Variants in RPS4Y1 observed in about 807,000 individuals in gnomAD.
RPS4Y1 encodes ribosomal protein S4 Y-linked 1.
For missense variants in RPS4Y1, 30 were observed against 60.9 expected (o/e 0.49, Z 1.69); for synonymous variants, 23 against 20.8 (o/e 1.10, Z -0.28).
At chrY:2,842,454 G>C in intron 2 of RPS4Y1, among the ~76,000 whole-genome samples, 1 of 31,563 alleles carries the variant, frequency 3.2e-5, no homozygotes, top group Non-Finnish European at 7.7e-5. Context: ...GGTTTCCTTT[G>C]CTCTTTTAGC....
In RPS4Y1 at chrY:2,847,489, G is replaced by A. The variant is rs764872062; in HGVS notation, c.360+1746G>A. Among the ~76,000 whole-genome samples, 16 of 33,826 alleles carry A rather than the reference G, an allele frequency of 4.7e-4. No homozygotes were observed. In the South Asian group the frequency reaches 9.8e-3, roughly 21 times the overall value. 90.8% of individuals were successfully genotyped at this position (33,826 alleles called of 37,273 possible). ...TGGGTGATTGCCATTACAGTGGATGGGAGAAAAAGAAAGAGTTTGGGTGAG... is the reference window on the plus strand; with the variant it reads ...TGGGTGATTGCCATTACAGTGGATGAGAGAAAAAGAAAGAGTTTGGGTGAG... On this transcript the variant is annotated intron_variant, in intron 4 of 6. Transcript: ENST00000250784.
At chrY:2,845,888 G>T in intron 4 of RPS4Y1, 145 bp downstream of exon 4, 1 of 135,587 alleles carries the variant, frequency 7.4e-6, no homozygotes, top group Admixed American at 1.2e-4. Flanking sequence ...GCATGTAGGT[G>T]CACACTGATA....
Position 2,845,721 on chromosome Y carries a change from G to A in RPS4Y1, c.338G>A (p.Arg113His), listed in dbSNP as rs749000846. ...ACCAAGGGCCGTTTTGCTGTTCACC[G>A]CATCACAGTGGAAGAGGCAAAGGTA... The part of the protein sequence containing the change: ...YDTKGRFAVH[R>H]ITVEEAKYKL... Residue 113 changes from arginine to histidine, a missense_variant, in exon 4 of 7, where the codon CGC (arginine) becomes CAC (histidine). Transcript: ENST00000250784. The A allele has an allele frequency of 5.1e-6, 2 of 393,603 alleles. No homozygotes were observed. The highest frequency in any genetic ancestry group is 3.6e-6 in the Non-Finnish European group (1 of 278,851).
chrY:2,860,713 T>C (rs972223035), intron 5 of RPS4Y1, among the ~76,000 whole-genome samples: 2 of 34,118 alleles, frequency 5.9e-5, no homozygotes, highest in East Asian at 1.5e-3. Context: ...TGCAGAGTTA[T>C]AGCTTATCTA....
chrY:2,856,717 C>T, intron 5 of RPS4Y1, among the ~76,000 whole-genome samples: 1 of 31,987 alleles, frequency 3.1e-5, no homozygotes, highest in Non-Finnish European at 7.6e-5. Flanking sequence ...CTGCCTCAGC[C>T]TCCCAAGTAG....
intron 3 of RPS4Y1, among the ~76,000 whole-genome samples, chrY:2,844,915 A>G (rs559635955): frequency 2.4e-3 from 78 of 32,080 alleles, no homozygotes; most frequent in African/African-American, 8.6e-3. Flanking sequence ...ACCAAGAGGG[A>G]AGGTAGGGAA....
Position 2,845,755 on chromosome Y carries a change from A to G in RPS4Y1, c.360+12A>G. On this transcript the variant is annotated intron_variant, in intron 4 of 6. Coordinates refer to ENST00000250784, the MANE Select transcript of RPS4Y1 (RefSeq NM_001008.4). ...TGGAAGAGGCAAAGGTATGTTGCACAAGTCAAGTGAGCTTTGTAATTTCCA... is the reference window on the plus strand; with the variant it reads ...TGGAAGAGGCAAAGGTATGTTGCACGAGTCAAGTGAGCTTTGTAATTTCCA... 1 of 362,578 alleles carries G rather than the reference A, an allele frequency of 2.8e-6. No homozygotes were observed. Among genetic ancestry groups the G allele is most frequent in the South Asian group, 3.0e-5 (1 of 32,904 alleles). The allele number at this position is 362,578 out of a possible 400,897, so 90.4% of individuals were successfully genotyped here.
At chrY:2,862,525 C>T in intron 5 of RPS4Y1, among the ~76,000 whole-genome samples, 1 of 33,649 alleles carries the variant, frequency 3.0e-5, no homozygotes, top group African/African-American at 1.2e-4. Flanking sequence ...TTCAAATCCG[C>T]TAGGTTACTC....
intron 4 of RPS4Y1, among the ~76,000 whole-genome samples, chrY:2,852,467 T>C (rs751254332): frequency 5.8e-5 from 2 of 34,401 alleles, no homozygotes; most frequent in Non-Finnish European, 1.5e-4. Context: ...TTCTGAATTA[T>C]AGTCTCTGAA....
chrY:2,846,574 A>G (rs2051152839), intron 4 of RPS4Y1, among the ~76,000 whole-genome samples: 2 of 33,773 alleles, frequency 5.9e-5, no homozygotes, highest in African/African-American at 1.2e-4. Context: ...CCCTAAAGGA[A>G]TTGACAAATA....
Position 2,854,825 on chromosome Y carries a change from TTTTC to T in RPS4Y1, c.532+60_532+63del. 4.3e-5 allele frequency: 11 copies of T among 258,241 alleles called. No homozygotes were observed. In the East Asian group the frequency reaches 1.1e-3, roughly 25 times the overall value. The allele number at this position is 258,241 out of a possible 400,897, so 64.4% of individuals were successfully genotyped here. A position where few individuals can be genotyped will look rare whatever the true frequency, so the allele number is the denominator to read the frequency against. On this transcript the variant is annotated intron_variant, in intron 5 of 6. Transcript: ENST00000250784. ...TGCCACCTCCCTCTTTGTCTTTTCT[TTTTC>T]TTTCTATTTTATTCTTCTGTTTTGT... is the stretch of plus-strand genomic sequence containing the variant.
chrY:2,867,143 G>A lies in RPS4Y1; in HGVS notation c.*249G>A. The A allele has an allele frequency of 1.0e-5, 1 of 95,384 alleles. No homozygotes were observed. Among genetic ancestry groups the A allele is most frequent in the Non-Finnish European group, 2.1e-5 (1 of 47,758 alleles). The allele number at this position is 95,384 out of a possible 400,897, so 23.8% of individuals were successfully genotyped here. Reference sequence around the variant, plus strand: ...GAGTGATGGAGTAGCATTCCAAAACGAAGTACAAAAAACGTATGACATTTC... The same window carrying A: ...GAGTGATGGAGTAGCATTCCAAAACAAAGTACAAAAAACGTATGACATTTC... On this transcript the variant is annotated 3_prime_UTR_variant, in exon 7 of 7. Transcript: ENST00000250784.
chrY:2,862,682 G>C, intron 5 of RPS4Y1, among the ~76,000 whole-genome samples: 1 of 33,426 alleles, frequency 3.0e-5, no homozygotes, highest in Non-Finnish European at 7.4e-5. Flanking sequence ...TGGTGTCTTA[G>C]TTCCTTCCAT....
intron 5 of RPS4Y1, among the ~76,000 whole-genome samples, chrY:2,863,658 A>G (rs2051165175): frequency 3.0e-5 from 1 of 33,566 alleles, no homozygotes; most frequent in African/African-American, 1.2e-4. Context: ...TCCAAACCTA[A>G]CTTAACTTTA....
chrY:2,860,479 C>T, intron 5 of RPS4Y1, among the ~76,000 whole-genome samples: 3 of 33,150 alleles, frequency 9.0e-5, no homozygotes, highest in Non-Finnish European at 2.2e-4. Flanking sequence ...CTTTCTTGAC[C>T]AAACCAGTGT....
chrY:2,846,591 G>A, intron 4 of RPS4Y1, among the ~76,000 whole-genome samples: 1 of 33,812 alleles, frequency 3.0e-5, no homozygotes, highest in Non-Finnish European at 7.3e-5. Context: ...AATATCGGTT[G>A]TTTGGTTGTT....
intron 5 of RPS4Y1, among the ~76,000 whole-genome samples, chrY:2,862,122 C>T: frequency 4.2e-4 from 12 of 28,412 alleles, no homozygotes; most frequent in East Asian, 9.0e-4. Flanking sequence ...GGCATGATTT[C>T]GGCTCACGGC....
intron 5 of RPS4Y1, among the ~76,000 whole-genome samples, chrY:2,863,189 C>T (rs2051164907): frequency 2.9e-5 from 1 of 33,928 alleles, no homozygotes; most frequent in Non-Finnish European, 7.3e-5. Context: ...TAGTAGGCAC[C>T]ATTCTAAATG....
chrY:2,848,693 G>C, intron 4 of RPS4Y1, among the ~76,000 whole-genome samples: 2 of 33,361 alleles, frequency 6.0e-5, no homozygotes, highest in African/African-American at 1.2e-4. Flanking sequence ...TAGAGTTGAG[G>C]TTTTCTTGTG....
Sources: allele counts gnomAD v4.1 joint callset (sites outside exome capture counted in the v4.1 genomes callset), GRCh38; gene constraint gnomAD v4.1.1; transcripts MANE v1.5; gene names NCBI Gene and HGNC (gene_info 2026-07-23, HGNC 2026-07-21).